Variants in STK32B observed in about 807,000 individuals in gnomAD.
The protein encoded by STK32B is serine/threonine kinase 32B.
Under a neutral mutation model 52.6 loss-of-function variants are expected in STK32B, and 43 were observed. The observed-to-expected ratio is 0.82, with a 90% CI of 0.64 to 1.05. STK32B has a LOEUF of 1.05. Among genes scored for constraint, STK32B ranks in the 50% least tolerant of loss-of-function variants. STK32B has a pLI of 0.00. For synonymous variants in STK32B, 238 were observed against 204.3 expected (o/e 1.17, Z -1.41); for missense variants, 621 against 534.6 (o/e 1.16, Z -1.59).
At chr4:5,313,123 A>G (rs1340837538) in intron 3 of STK32B, among the ~76,000 whole-genome samples, 3 of 149,072 alleles carry the variant, frequency 2.0e-5, no homozygotes, top group Admixed American at 1.3e-4. Context: ...AAAAACCACA[A>G]TTACTTTTGC....
chr4:5,315,827 C>T (rs1013000235), intron 3 of STK32B, among the ~76,000 whole-genome samples: 2 of 151,310 alleles, frequency 1.3e-5, no homozygotes, highest in African/African-American at 2.4e-5. Flanking sequence ...GCCTCAGCCT[C>T]CTGAGTAGCT....
intron 11 of STK32B, among the ~76,000 whole-genome samples, chr4:5,495,961 C>T (rs1333872363): frequency 1.3e-5 from 2 of 152,138 alleles, no homozygotes; most frequent in Admixed American, 6.5e-5. Context: ...GAGTACCCGG[C>T]CGTGTGATGT....
At chr4:5,408,662 G>C (rs1430697495) in intron 5 of STK32B, among the ~76,000 whole-genome samples, 4 of 152,108 alleles carry the variant, frequency 2.6e-5, no homozygotes, top group Non-Finnish European at 4.4e-5. Flanking sequence ...TCCGATTCCA[G>C]CTCGGCCTGG....
intron 6 of STK32B, among the ~76,000 whole-genome samples, chr4:5,433,679 GA>G (rs1314805219): frequency 6.6e-6 from 1 of 152,220 alleles, no homozygotes; most frequent in African/African-American, 2.4e-5. Context: ...TGTGGAAACA[GA>G]TCCTGGAAGG....
At chr4:5,156,150 G>A (rs578156587) in intron 2 of STK32B, among the ~76,000 whole-genome samples, 1 of 151,312 alleles carries the variant, frequency 6.6e-6, no homozygotes, top group East Asian at 1.9e-4. Flanking sequence ...ACACTCATAT[G>A]TATATGTGTA....
rs776972998 is a variant in STK32B, at chr4:5,233,739, G to C, written c.260+65289G>C. The stretch of plus-strand genomic sequence containing the variant: ...CTTGGGAGGCTGGGGTCACACATGC[G>C]GGAGGAGGGACTTGGGATAGAGAGG... On this transcript the variant is annotated intron_variant, in intron 3 of 11. Coordinates refer to ENST00000282908, the MANE Select transcript of STK32B (RefSeq NM_018401.3). Among the ~76,000 whole-genome samples the C allele has an allele frequency of 2.0e-5, 3 of 151,444 alleles. No homozygotes were observed. In the Admixed American group the frequency reaches 2.0e-4, roughly 10 times the overall value.
chr4:5,140,579 A>C (rs1050741530), intron 2 of STK32B, among the ~76,000 whole-genome samples: 3 of 152,200 alleles, frequency 2.0e-5, no homozygotes, highest in African/African-American at 7.2e-5. Context: ...GTAACTCAGA[A>C]AGATGGAGCA....
intron 2 of STK32B, among the ~76,000 whole-genome samples, chr4:5,165,778 G>A (rs1341964277): frequency 6.6e-6 from 1 of 152,092 alleles, no homozygotes; most frequent in Non-Finnish European, 1.5e-5. Context: ...ATATTCTCAC[G>A]TTCACTACTG....
At chr4:5,189,047 C>G (rs928182799) in intron 3 of STK32B, among the ~76,000 whole-genome samples, 2 of 151,900 alleles carry the variant, frequency 1.3e-5, no homozygotes, top group African/African-American at 4.8e-5. Flanking sequence ...TGTAAAAGTT[C>G]ACAGCAAAAT....
intron 4 of STK32B, among the ~76,000 whole-genome samples, chr4:5,344,520 T>A (rs1457965155): frequency 1.3e-5 from 2 of 152,190 alleles, no homozygotes; most frequent in African/African-American, 2.4e-5. Context: ...GGCAGGAACC[T>A]TGACATGTAT....
chr4:5,077,072 C>T (rs768147737), intron 1 of STK32B, among the ~76,000 whole-genome samples: 3 of 152,262 alleles, frequency 2.0e-5, no homozygotes, highest in Non-Finnish European at 4.4e-5. Flanking sequence ...CGAGATACAT[C>T]CCTGAACTGT....
chr4:5,092,658 C>G (rs531469639), intron 1 of STK32B, among the ~76,000 whole-genome samples: 38 of 152,240 alleles, frequency 2.5e-4, no homozygotes, highest in Non-Finnish European at 4.0e-4. Flanking sequence ...CTGAGGAGTC[C>G]GTCTCATCTG....
At chr4:5,340,326 G>A (rs571202206) in intron 4 of STK32B, among the ~76,000 whole-genome samples, 6 of 152,198 alleles carry the variant, frequency 3.9e-5, no homozygotes, top group South Asian at 4.1e-4. Context: ...GGCAGGGGCC[G>A]AGTTGGCAAG....
chr4:5,196,333 A>ATTTT (rs1721654745), intron 3 of STK32B, among the ~76,000 whole-genome samples: 4 of 61,984 alleles, frequency 6.5e-5, no homozygotes, highest in African/African-American at 2.7e-4. Flanking sequence ...TTCTTTCTTC[A>ATTTT]GTTTTTTTTT....
chr4:5,424,145 A>T (rs2526312), intron 6 of STK32B, among the ~76,000 whole-genome samples: 101,029 of 151,912 alleles, frequency 0.67, 33,927 homozygotes, highest in Middle Eastern at 0.81. Flanking sequence ...GGCAGCACTG[A>T]CATGCCAGCC....
At chr4:5,286,777 T>C (rs972839400) in intron 3 of STK32B, among the ~76,000 whole-genome samples, 7 of 151,586 alleles carry the variant, frequency 4.6e-5, no homozygotes, top group African/African-American at 1.7e-4. Flanking sequence ...ATATGTATTT[T>C]GGTAAATACA....
intron 1 of STK32B, among the ~76,000 whole-genome samples, chr4:5,116,472 T>C (rs73089670): frequency 0.049 from 7,395 of 152,292 alleles, 602 homozygotes; most frequent in African/African-American, 0.17. Context: ...TTAATATATC[T>C]ATCAACTCAT....
intron 1 of STK32B, among the ~76,000 whole-genome samples, chr4:5,131,379 T>A (rs1715761422): frequency 6.6e-6 from 1 of 152,240 alleles, no homozygotes; most frequent in Non-Finnish European, 1.5e-5. Context: ...TCCACCTGAT[T>A]ACATCTAAGA....
chr4:5,199,306 C>T (rs1312801988), intron 3 of STK32B, among the ~76,000 whole-genome samples: 1 of 152,140 alleles, frequency 6.6e-6, no homozygotes, highest in Non-Finnish European at 1.5e-5. Context: ...TAAGGTGTAG[C>T]CAGGAGTGGT....
Sources: gnomAD v4.1 joint callset for allele counts (sites outside exome capture counted in the v4.1 genomes callset) on GRCh38, gnomAD v4.1.1 for gene constraint, MANE v1.5 for transcripts, NCBI Gene and HGNC (gene_info 2026-07-23, HGNC 2026-07-21) for gene names.